The following PIK3CG variants were observed in gnomAD, a reference collection of about 807,000 sequenced individuals.
PIK3CG encodes phosphatidylinositol-4,5-bisphosphate 3-kinase catalytic subunit gamma, also known as phosphatidylinositol 4,5-bisphosphate 3-kinase catalytic subunit gamma isoform.
A neutral mutation model predicts 102.3 loss-of-function variants in PIK3CG; 55 were observed. The ratio of observed to expected loss-of-function variants is 0.54; its 90% CI spans 0.43 to 0.67. The LOEUF is 0.67. Among genes scored for constraint, PIK3CG ranks in the 30% least tolerant of loss-of-function variants. The pLI, the probability that PIK3CG is intolerant of heterozygous loss-of-function variation, is 0.00. For missense variants in PIK3CG, 1,258 were observed against 1,391.8 expected (o/e 0.90, Z 1.53); for synonymous variants, 552 against 540.0 (o/e 1.02, Z -0.31).
rs2116487627 is a variant in PIK3CG, at chr7:106,872,808, C to A, written c.2157C>A (p.Ala719=). The part of the protein sequence containing the change: ...YQQRFAVILE[A]YLRGCGTAML... ...AGAGGTTCGCTGTGATTCTGGAAGC[C>A]TATCTGAGGGGCTGTGGCACAGCCA... Residue 719 remains alanine, a synonymous_variant, in exon 4 of 11, where the codon GCC becomes GCA. Coordinates refer to ENST00000496166, the MANE Select transcript of PIK3CG (RefSeq NM_001282426.2). This position sits in a 1 kb window ranked among gnomAD's most constrained non-coding sequence, Gnocchi z 5.3. 1 of 1,614,112 alleles carries A rather than the reference C, an allele frequency of 6.2e-7. No individual in the cohort carries two copies. The highest frequency in any genetic ancestry group is 1.6e-4 in the Middle Eastern group (1 of 6,062).
rs993268737 is a variant in PIK3CG at position 106,892,115 on chromosome 7, T to G, written c.3030+5823T>G. ...GCCCTAATCCCTCCTGTCATTTTTCTTGCTGGAGACTTGAGTATTCTCCCA... is the reference window on the plus strand; with the variant it reads ...GCCCTAATCCCTCCTGTCATTTTTCGTGCTGGAGACTTGAGTATTCTCCCA... On this transcript the variant is annotated intron_variant, in intron 10 of 10. Transcript: ENST00000496166. This position sits in a 1 kb window ranked among gnomAD's most constrained non-coding sequence, Gnocchi z 5.2. Among the ~76,000 whole-genome samples the G allele has an allele frequency of 2.6e-5, 4 of 152,158 alleles. No homozygotes were observed. The highest frequency in any genetic ancestry group is 9.7e-5 in the African/African-American group (4 of 41,428).
Position 106,879,981 on chromosome 7 carries a change from C to T in PIK3CG, c.2538+316C>T, listed in dbSNP as rs894511339. On this transcript the variant is annotated intron_variant, in intron 6 of 10. Coordinates refer to ENST00000496166, the MANE Select transcript of PIK3CG (RefSeq NM_001282426.2). This position sits in a 1 kb window ranked among gnomAD's most constrained non-coding sequence, Gnocchi z 4.9. ...AACATAGAAAATAGCCATATTTATC[C>T]CCAGCACTCACTTCATTCCTGCCCA... Among the ~76,000 whole-genome samples, 5 of 152,098 alleles carry T rather than the reference C, an allele frequency of 3.3e-5. No individual in the cohort carries two copies. Among genetic ancestry groups the T allele is most frequent in the African/African-American group, 9.7e-5 (4 of 41,416 alleles).
chr7:106,873,034 G>T (rs1230024495), intron 4 of PIK3CG, 96 bp downstream of exon 4: 11 of 912,400 alleles, frequency 1.2e-5, no homozygotes, highest in Non-Finnish European at 1.9e-5. Flanking sequence ...AATCCAAGTT[G>T]CATCCTCCTG....
rs1162435775 is a variant in PIK3CG at position 106,869,781 on chromosome 7, C to T, written c.1995+225C>T. ...GGGTTTTGCAGACATTAGTACTTCA[C>T]GTTTTTAGGAGAATTGGCCCTGTGG... On this transcript the variant is annotated intron_variant, in intron 2 of 10. Coordinates refer to ENST00000496166, the MANE Select transcript of PIK3CG (RefSeq NM_001282426.2). This position sits in a 1 kb window ranked among gnomAD's most constrained non-coding sequence, Gnocchi z 5.3. 1.3e-5 allele frequency among the ~76,000 whole-genome samples: 2 copies of T among 152,002 alleles called. No homozygotes were observed. Among genetic ancestry groups the T allele is most frequent in the East Asian group, 1.9e-4 (1 of 5,196 alleles).
rs1791252998 is a variant in PIK3CG, at chr7:106,891,168, G to A, written c.3030+4876G>A. The stretch of plus-strand genomic sequence containing the variant: ...GTAGGTGTTTGCTGAGTGGAGTAGT[G>A]GAGGGACAGCACCTTGTAGGGGAGG... On this transcript the variant is annotated intron_variant, in intron 10 of 10. Transcript: ENST00000496166. The surrounding 1 kb of genome is among the most constrained non-coding windows in gnomAD (Gnocchi z 4.4). 6.6e-6 allele frequency among the ~76,000 whole-genome samples: 1 copy of A among 152,204 alleles called. No individual in the cohort carries two copies. Among genetic ancestry groups the A allele is most frequent in the Admixed American group, 6.5e-5 (1 of 15,282 alleles).
Position 106,903,663 on chromosome 7 carries a change from CTACT to C in PIK3CG, c.3031-1442_3031-1439del, listed in dbSNP as rs914801035. 6.6e-6 allele frequency among the ~76,000 whole-genome samples: 1 copy of C among 151,790 alleles called. No individual in the cohort carries two copies. The highest frequency in any genetic ancestry group is 1.5e-5 in the Non-Finnish European group (1 of 67,952). ...TTATAAAAACCTAGTTTATTAAAAACTACTTACAGTAATATTTGATTTTTTAAAG... is the reference window on the plus strand; with the variant it reads ...TTATAAAAACCTAGTTTATTAAAAACTACAGTAATATTTGATTTTTTAAAG... On this transcript the variant is annotated intron_variant, in intron 10 of 10. Coordinates refer to ENST00000496166, the MANE Select transcript of PIK3CG (RefSeq NM_001282426.2). This position sits in a 1 kb window ranked among gnomAD's most constrained non-coding sequence, Gnocchi z 4.3.
In PIK3CG at chr7:106,884,065, C is replaced by T; in HGVS notation, c.2761-90C>T. On this transcript the variant is annotated intron_variant, in intron 8 of 10. Transcript: ENST00000496166. The surrounding 1 kb of genome is among the most constrained non-coding windows in gnomAD (Gnocchi z 4.2). ...CTAACTTGCTCTCTGAAAATGGTTT[C>T]CAGAATATTCTCTTTTTAGAAGTCA... The T allele has an allele frequency of 2.0e-6, 2 of 1,010,662 alleles. No individual in the cohort carries two copies. Among genetic ancestry groups the T allele is most frequent in the South Asian group, 1.4e-5 (1 of 70,512 alleles). 62.6% of individuals were successfully genotyped at this position (1,010,662 alleles called of 1,614,324 possible). A position where few individuals can be genotyped will look rare whatever the true frequency, so the allele number is the denominator to read the frequency against.
At chr7:106,886,373 A>G (rs1791093464) in intron 10 of PIK3CG, 81 bp downstream of exon 10, 1 of 1,460,810 alleles carries the variant, frequency 6.8e-7, no homozygotes, top group African/African-American at 1.4e-5. Flanking sequence ...TTCACCTCTC[A>G]CTCAGCTTGG....
rs949407775 is a variant in PIK3CG at position 106,908,514 on chromosome 7, C to G, written c.*3127C>G. 2.6e-5 allele frequency among the ~76,000 whole-genome samples: 4 copies of G among 152,124 alleles called. No individual in the cohort carries two copies. The highest frequency in any genetic ancestry group is 9.7e-5 in the African/African-American group (4 of 41,434). On this transcript the variant is annotated 3_prime_UTR_variant, in exon 11 of 11. Transcript: ENST00000496166. The surrounding 1 kb of genome is among the most constrained non-coding windows in gnomAD (Gnocchi z 4.1). ...AATAAACCTAAGCAGATGTTGTAGA[C>G]CTAGCCCCACAGGACTGCATTTAGC...
In PIK3CG at chr7:106,879,757, C is replaced by G. The variant is rs539468401; in HGVS notation, c.2538+92C>G. On this transcript the variant is annotated intron_variant, in intron 6 of 10. Transcript: ENST00000496166. The surrounding 1 kb of genome is among the most constrained non-coding windows in gnomAD (Gnocchi z 4.9). ...TTCTCCTACTGGCTCTATTCCCACT[C>G]TCTTCTTTCAAGTGATGAATTGTGA... 314 of 921,956 alleles carry G rather than the reference C, an allele frequency of 3.4e-4. 2 individuals carry two copies. In the South Asian group the frequency reaches 3.8e-3, roughly 11 times the overall value. The allele number at this position is 921,956 out of a possible 1,614,324, so 57.1% of individuals were successfully genotyped here. A position where few individuals can be genotyped will look rare whatever the true frequency, so the allele number is the denominator to read the frequency against.
At position 106,894,009 on chromosome 7, in the gene PIK3CG, T is replaced by A. The variant is rs1304261371; in HGVS notation, c.3030+7717T>A. Among the ~76,000 whole-genome samples the A allele has an allele frequency of 3.3e-5, 5 of 152,224 alleles. No homozygotes were observed. In the East Asian group the frequency reaches 7.7e-4, roughly 23 times the overall value. ...AAGGAACAGTAAAAATATGGAATTA[T>A]AATCTTATGAAACAACTATGATAGA... On this transcript the variant is annotated intron_variant, in intron 10 of 10. Coordinates refer to ENST00000496166, the MANE Select transcript of PIK3CG (RefSeq NM_001282426.2). This position sits in a 1 kb window ranked among gnomAD's most constrained non-coding sequence, Gnocchi z 4.4.
Position 106,890,894 on chromosome 7 carries a change from C to A in PIK3CG, c.3030+4602C>A, listed in dbSNP as rs182661684. Among the ~76,000 whole-genome samples, 32 of 152,384 alleles carry A rather than the reference C, an allele frequency of 2.1e-4. No homozygotes were observed. The highest frequency in any genetic ancestry group is 7.2e-4 in the African/African-American group (30 of 41,590). ...TCCCAGCTACCCACTGCTTTCTTCC[C>A]AGAATGCTCTGTGCTGCCCTGTGGT... On this transcript the variant is annotated intron_variant, in intron 10 of 10. Transcript: ENST00000496166. This position sits in a 1 kb window ranked among gnomAD's most constrained non-coding sequence, Gnocchi z 4.2.
chr7:106,881,827 G>A (rs569339047), intron 6 of PIK3CG, among the ~76,000 whole-genome samples: 7 of 152,258 alleles, frequency 4.6e-5, no homozygotes, highest in East Asian at 3.9e-4. Context: ...TCCAGGCTGG[G>A]CGACAGAGCA....
At chr7:106,888,048 C>T (rs963712402) in intron 10 of PIK3CG, among the ~76,000 whole-genome samples, 6 of 138,558 alleles carry the variant, frequency 4.3e-5, no homozygotes, top group African/African-American at 1.6e-4. Context: ...TCAAGCAATT[C>T]TCCTGCCTCA....
At chr7:106,904,927 G>T (rs953824880) in intron 10 of PIK3CG, among the ~76,000 whole-genome samples, 182 bp from the exon 11 acceptor site, 4 of 152,124 alleles carry the variant, frequency 2.6e-5, no homozygotes, top group African/African-American at 9.7e-5. Flanking sequence ...GCAACTACAC[G>T]GAAGTATTTA....
In PIK3CG at chr7:106,899,517, A is replaced by C. The variant is rs974502182; in HGVS notation, c.3031-5592A>C. Among the ~76,000 whole-genome samples the C allele has an allele frequency of 1.3e-5, 2 of 152,110 alleles. No individual in the cohort carries two copies. Among genetic ancestry groups the C allele is most frequent in the African/African-American group, 4.8e-5 (2 of 41,406 alleles). On this transcript the variant is annotated intron_variant, in intron 10 of 10. Transcript: ENST00000496166. This position sits in a 1 kb window ranked among gnomAD's most constrained non-coding sequence, Gnocchi z 4.6. ...TGTGGGTTTGTCATAAATGGCTCTC[A>C]TTATTTTGAGATATGTTCCTTCAAT...
In PIK3CG at chr7:106,868,842, T is replaced by A. The variant is rs1272910116; in HGVS notation, c.1281T>A (p.Ala427=). ...AAATCAAAGACTTGCCCAAAGGGGC[T>A]CTACTGAACCTCCAGATCTACTGCG... ...SIKIKDLPKG[A]LLNLQIYCGK... is the part of the protein sequence containing the mutation. The change falls in exon 2 of 11, where the codon GCT becomes GCA. Residue 427 remains alanine, a synonymous_variant. Coordinates refer to ENST00000496166, the MANE Select transcript of PIK3CG (RefSeq NM_001282426.2). This position sits in a 1 kb window ranked among gnomAD's most constrained non-coding sequence, Gnocchi z 6.2. The A allele has an allele frequency of 1.9e-6, 3 of 1,614,078 alleles. No homozygotes were observed. The African/African-American group carries it at 4.0e-5, about 22-fold the overall frequency.
Position 106,869,279 on chromosome 7 carries a change from A to C in PIK3CG, c.1718A>C (p.Glu573Ala), listed in dbSNP as rs2116461997. The C allele has an allele frequency of 6.2e-7, 1 of 1,614,250 alleles. No individual in the cohort carries two copies. Among genetic ancestry groups the C allele is most frequent in the Non-Finnish European group, 8.5e-7 (1 of 1,180,040 alleles). ...PLNPLTAEDK[E>A]LLWHFRYESL... ...AACCCTCTCACAGCAGAGGACAAAGAATTGCTCTGGCATTTTAGATACGAA... is the reference window on the plus strand; with the variant it reads ...AACCCTCTCACAGCAGAGGACAAAGCATTGCTCTGGCATTTTAGATACGAA... Residue 573 changes from glutamate to alanine, a missense_variant, in exon 2 of 11, where the codon GAA (glutamate) becomes GCA (alanine). By Grantham distance (107) the Glu-to-Ala change is moderately radical. Around this residue, in one of 2 missense-constraint regions of PIK3CG, gnomAD observed 832 missense variants for 787.5 expected, o/e 1.06. Transcript: ENST00000496166. This position sits in a 1 kb window ranked among gnomAD's most constrained non-coding sequence, Gnocchi z 5.3.
At chr7:106,873,322 AT>A (rs1169592365) in intron 4 of PIK3CG, among the ~76,000 whole-genome samples, 1 of 152,192 alleles carries the variant, frequency 6.6e-6, no homozygotes, top group East Asian at 1.9e-4. Flanking sequence ...TTGAGAGGCT[AT>A]TTTAATTTTT....
Sources: gnomAD v4.1 joint callset for allele counts (sites outside exome capture counted in the v4.1 genomes callset) on GRCh38, gnomAD v4.1.1 for gene constraint, gnomAD v4.1.1 regional missense constraint, Gnocchi (gnomAD v3.1) non-coding constraint, MANE v1.5 for transcripts, NCBI Gene and HGNC (gene_info 2026-07-23, HGNC 2026-07-21) for gene names.